Variants in LMO7 observed in about 807,000 individuals in gnomAD.
The protein encoded by LMO7 is LIM domain 7.
In LMO7, 120 loss-of-function variants were observed where a neutral mutation model predicts 206.5. The ratio of observed to expected loss-of-function variants is 0.58; its 90% CI spans 0.50 to 0.68. The LOEUF (loss-of-function observed/expected upper bound fraction) is 0.68. LMO7 is among the 30% of genes least tolerant of loss of function. The probability of loss-of-function intolerance (pLI) is 0.00; values close to 1 mark genes in which losing one functional copy is unlikely to be tolerated. For missense variants in LMO7, 1,959 were observed against 1,957.9 expected (o/e 1.00, Z -0.01); for synonymous variants, 706 against 681.5 (o/e 1.04, Z -0.56).
intron 15 of LMO7, among the ~76,000 whole-genome samples, chr13:75,829,310 C>T (rs73227991): frequency 0.011 from 1,676 of 152,036 alleles, 18 homozygotes; most frequent in Non-Finnish European, 0.015. Context: ...GTGGGCAGTG[C>T]CTGGAGGGAT....
chr13:75,734,665 T>G (rs1171945291), intron 3 of LMO7, among the ~76,000 whole-genome samples: 1 of 152,214 alleles, frequency 6.6e-6, no homozygotes, highest in African/African-American at 2.4e-5. Flanking sequence ...TGAAAAATTT[T>G]TAATAATTTT....
At chr13:75,636,263 C>T (rs980623983), upstream of LMO7, 11 of 453,098 alleles carry the variant, frequency 2.4e-5, no homozygotes, top group South Asian at 6.6e-4. Flanking sequence ...CCCGGGAGGG[C>T]GGTGGGGTGG....
chr13:75,670,363 A>T (rs929215002), intron 1 of LMO7, among the ~76,000 whole-genome samples: 1 of 152,060 alleles, frequency 6.6e-6, no homozygotes, highest in Non-Finnish European at 1.5e-5. Context: ...AATGATGGGG[A>T]TACCCTTCTG....
chr13:75,764,735 C>G (rs935222099), intron 4 of LMO7, among the ~76,000 whole-genome samples: 1 of 152,106 alleles, frequency 6.6e-6, no homozygotes, highest in South Asian at 2.1e-4. Flanking sequence ...CTTTCCACCC[C>G]CTTACCATTC....
At chr13:75,716,910 T>TC (rs1594479802) in intron 2 of LMO7, among the ~76,000 whole-genome samples, 1 of 132,740 alleles carries the variant, frequency 7.5e-6, no homozygotes, top group East Asian at 2.2e-4. Context: ...TTTTTTTTTT[T>TC]CTCTGATGAA....
chr13:75,706,220 C>T (rs1243810646), intron 1 of LMO7, among the ~76,000 whole-genome samples: 1 of 152,136 alleles, frequency 6.6e-6, no homozygotes, highest in African/African-American at 2.4e-5. Flanking sequence ...ATTCCAGTGC[C>T]CCTACTTGGC....
intron 1 of LMO7, among the ~76,000 whole-genome samples, chr13:75,710,589 GCTCT>G (rs1330499678): frequency 2.6e-5 from 4 of 151,646 alleles, no homozygotes; most frequent in African/African-American, 9.7e-5. Context: ...TCATGATTTG[GCTCT>G]CTGTTTGTCT....
At chr13:75,776,162 G>GAT (rs58964680) in intron 4 of LMO7, among the ~76,000 whole-genome samples, 1,308 of 36,198 alleles carry the variant, frequency 0.036, 65 homozygotes, top group Middle Eastern at 0.06. Flanking sequence ...ATATATATCG[G>GAT]ATATATATAT....
In LMO7 at chr13:75,807,851, C is replaced by G. The variant is rs757599156; in HGVS notation, c.1568C>G (p.Pro523Arg). 1.2e-6 allele frequency: 2 copies of G among 1,613,850 alleles called. No individual in the cohort carries two copies. The highest frequency in any genetic ancestry group is 3.3e-5 in the Admixed American group (2 of 60,020). ...GATGATATGATTGTTCGCCGAATTCCAGCACAGAAGAAAGAAGTGCCGCTG... is the reference window on the plus strand; with the variant it reads ...GATGATATGATTGTTCGCCGAATTCGAGCACAGAAGAAAGAAGTGCCGCTG... ...EKDDMIVRRI[P>R]AQKKEVPLSG... The change falls in exon 10 of 31, where the codon CCA becomes CGA. Residue 523 changes from proline (P) to arginine (R), a missense_variant. Coordinates refer to ENST00000377534, the MANE Select transcript of LMO7 (RefSeq NM_001306080.2).
chr13:75,800,281 G>A (rs2054564440), intron 6 of LMO7, among the ~76,000 whole-genome samples: 2 of 152,190 alleles, frequency 1.3e-5, no homozygotes, highest in Admixed American at 1.3e-4. Flanking sequence ...GGATGACTAA[G>A]TTAAGGTTAG....
At chr13:75,790,203 C>A (rs74096428) in intron 4 of LMO7, among the ~76,000 whole-genome samples, 1 of 152,062 alleles carries the variant, frequency 6.6e-6, no homozygotes, top group Non-Finnish European at 1.5e-5. Flanking sequence ...GTGGAGGGGG[C>A]GGAGTTGACT....
chr13:75,794,393 T>C (rs1209709519), intron 4 of LMO7, among the ~76,000 whole-genome samples: 1 of 152,190 alleles, frequency 6.6e-6, no homozygotes, highest in Non-Finnish European at 1.5e-5. Flanking sequence ...AAAGGAATGG[T>C]CTTAGTTGCC....
At position 75,821,197 on chromosome 13, in the gene LMO7, C is replaced by T. The variant is rs1273090834; in HGVS notation, c.2228C>T (p.Ser743Phe). The T allele has an allele frequency of 2.4e-5, 38 of 1,607,468 alleles. No individual in the cohort carries two copies. The highest frequency in any genetic ancestry group is 3.1e-5 in the Non-Finnish European group (37 of 1,177,836). The part of the protein sequence containing the change: ...LQDRESQNQK[S>F]TVPSRRRMYS... ...CTAAGGGAATCCCAAAATCAAAAGT[C>T]TACAGTTCCGTCAAGAAGGAGAATG... The change falls in exon 14 of 31, where the codon TCT (serine) becomes TTT (phenylalanine). Residue 743 changes from serine (S) to phenylalanine (F), a missense_variant. Ser to Phe is a radical substitution (Grantham distance 155). Transcript: ENST00000377534.
At chr13:75,772,727 T>A (rs1229824205) in intron 4 of LMO7, among the ~76,000 whole-genome samples, 1 of 152,110 alleles carries the variant, frequency 6.6e-6, no homozygotes, top group African/African-American at 2.4e-5. Context: ...CTGTCAGACA[T>A]GGTAATAAGG....
chr13:75,771,777 A>C (rs1189724056), intron 4 of LMO7, among the ~76,000 whole-genome samples: 1 of 152,078 alleles, frequency 6.6e-6, no homozygotes, highest in Non-Finnish European at 1.5e-5. Flanking sequence ...TTACATATTA[A>C]ATTTTATACA....
chr13:75,705,164 G>T (rs528023263), intron 1 of LMO7, among the ~76,000 whole-genome samples: 2 of 152,168 alleles, frequency 1.3e-5, no homozygotes, highest in African/African-American at 2.4e-5. Flanking sequence ...CACACTTGGC[G>T]CAGTCGCTTC....
chr13:75,807,581 C>T lies in LMO7; in HGVS notation c.1298C>T (p.Thr433Ile). 1 of 1,613,980 alleles carries T rather than the reference C, an allele frequency of 6.2e-7. No individual in the cohort carries two copies. The highest frequency in any genetic ancestry group is 1.7e-5 in the Admixed American group (1 of 60,026). ...CCCACTTCTGGCCCAAGGCTCATAACCCGCAGGAAGAATCTCTCTTATGCA... is the reference window on the plus strand; with the variant it reads ...CCCACTTCTGGCCCAAGGCTCATAATCCGCAGGAAGAATCTCTCTTATGCA... ...IDPTSGPRLI[T>I]RRKNLSYAPG... Residue 433 changes from threonine (T) to isoleucine (I), a missense_variant, in exon 10 of 31, where the codon ACC becomes ATC. By Grantham distance (89) the Thr-to-Ile change is moderately conservative. Coordinates refer to ENST00000377534, the MANE Select transcript of LMO7 (RefSeq NM_001306080.2).
intron 2 of LMO7, among the ~76,000 whole-genome samples, chr13:75,717,081 C>T (rs541569594): frequency 2.0e-5 from 3 of 151,778 alleles, no homozygotes; most frequent in East Asian, 1.9e-4. Flanking sequence ...ACACTCTTCT[C>T]GGCCGGGCGC....
rs1341275796 is a variant in LMO7, at chr13:75,698,462, T to A, written c.70-14720T>A. 6.6e-5 allele frequency among the ~76,000 whole-genome samples: 10 copies of A among 152,050 alleles called. No individual in the cohort carries two copies. In the East Asian group the frequency reaches 1.2e-3, roughly 18 times the overall value. ...GTGCCCCCTCACCTGGTTAATTTTTTAATTTTTTGTAGAGATGGCTTCTCA... is the reference window on the plus strand; with the variant it reads ...GTGCCCCCTCACCTGGTTAATTTTTAAATTTTTTGTAGAGATGGCTTCTCA... On this transcript the variant is annotated intron_variant, in intron 1 of 30. Coordinates refer to ENST00000377534, the MANE Select transcript of LMO7 (RefSeq NM_001306080.2).
Sources: allele counts gnomAD v4.1 joint callset (sites outside exome capture counted in the v4.1 genomes callset), GRCh38; gene constraint gnomAD v4.1.1; transcripts MANE v1.5; gene names NCBI Gene and HGNC (gene_info 2026-07-23, HGNC 2026-07-21).